MLLT10: variants seen among roughly 807,000 people sequenced by gnomAD.
MLLT10 encodes protein AF-10.
MLLT10 carries 30 observed loss-of-function variants against 129.1 expected under a neutral mutation model. The ratio of observed to expected loss-of-function variants is 0.23; its 90% CI spans 0.17 to 0.32. The LOEUF (loss-of-function observed/expected upper bound fraction) is 0.32, where lower values mean the gene tolerates loss of function less well. Among genes scored for constraint, MLLT10 ranks in the 10% least tolerant of loss-of-function variants. The pLI is 1.00. For missense variants in MLLT10, 1,119 were observed against 1,268.3 expected (o/e 0.88, Z 1.79); for synonymous variants, 490 against 446.4 (o/e 1.10, Z -1.23).
intron 3 of MLLT10, among the ~76,000 whole-genome samples, chr10:21,546,977 C>T (rs1185699437): frequency 3.3e-5 from 5 of 152,088 alleles, no homozygotes; most frequent in South Asian, 2.1e-4. Flanking sequence ...CGTGCCTCAG[C>T]GTCCCAAAGT....
rs149010889 is a variant in MLLT10 at position 21,547,600 on chromosome 10, A to C, written c.240+8688A>C. On this transcript the variant is annotated intron_variant, in intron 3 of 22. Transcript: ENST00000307729. ...CAGTAGTGTGATCTCGGCTCACTGC[A>C]ACCTCCGCCTTTCATGTTCAAGTGA... 2.7e-3 allele frequency among the ~76,000 whole-genome samples: 405 copies of C among 148,276 alleles called. 3 individuals are homozygous for C. The highest frequency in any genetic ancestry group is 9.7e-3 in the African/African-American group (389 of 40,102).
At chr10:21,630,960 T>G (rs1210345391) in intron 8 of MLLT10, among the ~76,000 whole-genome samples, 1 of 152,126 alleles carries the variant, frequency 6.6e-6, no homozygotes. Context: ...TCCAGGGATG[T>G]TGGGATACTG....
intron 3 of MLLT10, among the ~76,000 whole-genome samples, chr10:21,584,766 A>G (rs1233795485): frequency 2.0e-5 from 3 of 151,698 alleles, no homozygotes; most frequent in Non-Finnish European, 4.4e-5. Context: ...ATATATATAT[A>G]AAGTATGTGT....
At chr10:21,727,751 A>G (rs2057632845) in intron 15 of MLLT10, 105 bp from the exon 16 acceptor site, 1 of 776,612 alleles carries the variant, frequency 1.3e-6, no homozygotes, top group Non-Finnish European at 2.1e-6. Context: ...CTGCAAAGAT[A>G]GTGGTAAAGG....
intron 8 of MLLT10, chr10:21,624,883 G>T: frequency 8.6e-7 from 1 of 1,167,062 alleles, no homozygotes; most frequent in African/African-American, 1.5e-5. Flanking sequence ...CCTCGTGGTG[G>T]TCCCAAAGGT....
At chr10:21,547,814 C>G (rs1254993792) in intron 3 of MLLT10, among the ~76,000 whole-genome samples, 1 of 152,164 alleles carries the variant, frequency 6.6e-6, no homozygotes, top group East Asian at 1.9e-4. Context: ...GCTGGTATTA[C>G]AGGCGTGAGC....
chr10:21,671,199 G>A (rs2051364514), intron 10 of MLLT10, among the ~76,000 whole-genome samples: 1 of 152,084 alleles, frequency 6.6e-6, no homozygotes, highest in Non-Finnish European at 1.5e-5. Context: ...TTGTATTTTA[G>A]TAGAGATGGG....
At chr10:21,721,680 ATTTGT>A (rs2057146656) in intron 14 of MLLT10, among the ~76,000 whole-genome samples, 1 of 152,242 alleles carries the variant, frequency 6.6e-6, no homozygotes, top group Admixed American at 6.5e-5. Context: ...AGTTTCTTTT[ATTTGT>A]TTTGAGTTTG....
intron 3 of MLLT10, among the ~76,000 whole-genome samples, chr10:21,578,114 C>G (rs2040987949): frequency 6.6e-6 from 1 of 151,226 alleles, no homozygotes; most frequent in Non-Finnish European, 1.5e-5. Context: ...AGGCTAGTCT[C>G]AAACTCCTGA....
At chr10:21,586,575 A>G (rs1402100682) in intron 4 of MLLT10, among the ~76,000 whole-genome samples, 1 of 152,200 alleles carries the variant, frequency 6.6e-6, no homozygotes, top group Non-Finnish European at 1.5e-5. Context: ...TCTATTAAAT[A>G]CATACTTCTA....
At chr10:21,668,817 C>T in intron 9 of MLLT10, 1 of 722,414 alleles carries the variant, frequency 1.4e-6, no homozygotes. Flanking sequence ...TTGTAGTACT[C>T]TACCCAATTT....
intron 8 of MLLT10, among the ~76,000 whole-genome samples, chr10:21,633,950 G>A (rs1323990722): frequency 6.6e-6 from 1 of 152,164 alleles, no homozygotes; most frequent in East Asian, 1.9e-4. Context: ...GTTGCATTTA[G>A]TTGTTGTCTC....
intron 14 of MLLT10, among the ~76,000 whole-genome samples, chr10:21,721,316 T>C (rs1268976187): frequency 6.6e-6 from 1 of 152,186 alleles, no homozygotes; most frequent in Non-Finnish European, 1.5e-5. Context: ...AGGTGAAATA[T>C]TTTCATCGGT....
chr10:21,579,565 CTT>C (rs1211623180), intron 3 of MLLT10, among the ~76,000 whole-genome samples: 20 of 132,062 alleles, frequency 1.5e-4, no homozygotes, highest in Non-Finnish European at 1.7e-4. Flanking sequence ...AGATTAGATT[CTT>C]TTTTTTTTTT....
intron 3 of MLLT10, among the ~76,000 whole-genome samples, chr10:21,580,741 G>T (rs1240220373): frequency 6.6e-6 from 1 of 150,408 alleles, no homozygotes; most frequent in African/African-American, 2.5e-5. Context: ...TTGCACTGTC[G>T]CCTGGGCTGG....
At chr10:21,567,118 A>T (rs1050187309) in intron 3 of MLLT10, among the ~76,000 whole-genome samples, 1 of 151,922 alleles carries the variant, frequency 6.6e-6, no homozygotes, top group African/African-American at 2.4e-5. Context: ...CGGCCTTGGT[A>T]TCTTTTTGGT....
At chr10:21,646,935 A>G (rs1281054597) in intron 8 of MLLT10, among the ~76,000 whole-genome samples, 1 of 149,318 alleles carries the variant, frequency 6.7e-6, no homozygotes, top group Non-Finnish European at 1.5e-5. Context: ...GGCTCACTGC[A>G]AGCTCCGCCT....
chr10:21,610,984 C>CTTTTTTTTTTTTTTTTTTTTCTTTT, intron 5 of MLLT10, among the ~76,000 whole-genome samples: 1 of 102,878 alleles, frequency 9.7e-6, no homozygotes, highest in Non-Finnish European at 1.9e-5. Context: ...TCTTTTTTCT[C>CTTTTTTTTTTTTTTTTTTTTCTTTT]TTTTTTTTTT....
chr10:21,615,641 A>G (rs773953111), intron 7 of MLLT10, among the ~76,000 whole-genome samples: 1 of 152,102 alleles, frequency 6.6e-6, no homozygotes, highest in Admixed American at 6.5e-5. Flanking sequence ...TTTTCTGCTT[A>G]ATTACTATTA....
Sources: allele counts gnomAD v4.1 joint callset (sites outside exome capture counted in the v4.1 genomes callset), GRCh38; gene constraint gnomAD v4.1.1; transcripts MANE v1.5; gene names NCBI Gene and HGNC (gene_info 2026-07-23, HGNC 2026-07-21).